The following MBD6 variants were observed in gnomAD, a reference collection of about 807,000 sequenced individuals.
MBD6 encodes methyl-CpG binding domain protein 6.
In MBD6, 22 loss-of-function variants were observed where a neutral mutation model predicts 66.8. That is an observed-to-expected ratio of 0.33 (90% confidence interval 0.24 to 0.47). The LOEUF is 0.47. MBD6 is among the 20% of genes least tolerant of loss of function. The probability of loss-of-function intolerance (pLI) is 1.00; values close to 1 mark genes in which losing one functional copy is unlikely to be tolerated. For synonymous variants in MBD6, 540 were observed against 534.6 expected (o/e 1.01, Z -0.14); for missense variants, 1,322 against 1,286.9 (o/e 1.03, Z -0.42).
chr12:57,528,891 G>C (rs984347060), intron 11 of MBD6, 55 bp from the exon 12 acceptor site: 40 of 1,613,182 alleles, frequency 2.5e-5, no homozygotes, highest in Middle Eastern at 1.6e-4. Context: ...CCAAACTTCT[G>C]AAATTCACCT....
intron 5 of MBD6, 42 bp downstream of exon 5, chr12:57,525,157 A>C (rs1287824774): frequency 1.9e-6 from 3 of 1,582,386 alleles, no homozygotes; most frequent in Non-Finnish European, 2.6e-6. Flanking sequence ...GGAAAACCTA[A>C]GGGCTTGGAA....
rs76917839 is a variant in MBD6 at position 57,527,152 on chromosome 12, C to G, written c.2007C>G (p.Ala669=). Residue 669 remains alanine (A), a synonymous_variant, in exon 7 of 13, where the codon GCC becomes GCG. Coordinates refer to ENST00000355673, the MANE Select transcript of MBD6 (RefSeq NM_052897.4). ...CCCTACTTTTCCCCCCACTTTCAGC[C>G]CCCCCTACCCTCATAGCTTTAAATT... is the stretch of plus-strand genomic sequence containing the variant. The part of the protein sequence containing the change: ...LSPLLFPPLS[A]PPTLIALNSA... 3.5e-5 allele frequency: 51 copies of G among 1,449,518 alleles called. No homozygotes were observed. In the African/African-American group the frequency reaches 4.2e-4, roughly 12 times the overall value. The allele number at this position is 1,449,518 out of a possible 1,614,324, so 89.8% of individuals were successfully genotyped here.
rs1297280076 is a variant in MBD6 at position 57,524,420 on chromosome 12, C to T, written c.113+4C>T. 13 of 1,568,436 alleles carry T rather than the reference C, an allele frequency of 8.3e-6. No homozygotes were observed. The Admixed American group carries it at 1.1e-4, about 14-fold the overall frequency. ...AGGGTGCTGTGCTCTACATCAGGTA[C>T]GGATCTTCACAGGTCCCCAAGCTCT... On this transcript the variant is annotated splice_donor_region_variant and intron_variant, in intron 3 of 12. Coordinates refer to ENST00000355673, the MANE Select transcript of MBD6 (RefSeq NM_052897.4).
intron 4 of MBD6, 48 bp downstream of exon 4, chr12:57,524,870 C>T (rs763665202): frequency 6.2e-7 from 1 of 1,612,332 alleles, no homozygotes; most frequent in Non-Finnish European, 8.5e-7. Context: ...AGCTAAAAGT[C>T]TTAATGCAAA....
Position 57,526,036 on chromosome 12 carries a change from C to A in MBD6, c.1068C>A (p.Ser356=). The change falls in exon 6 of 13, where the codon TCC becomes TCA. Residue 356 remains serine (S), a synonymous_variant. Transcript: ENST00000355673. ...CCCAGGCACCCTCAGCTTCCCACTC[C>A]TCATCACTTCGTCCCTCTCAGCGTC... ...PRAQAPSASH[S]SSLRPSQRRP... 3.7e-6 allele frequency: 6 copies of A among 1,613,432 alleles called. No homozygotes were observed. Among genetic ancestry groups the A allele is most frequent in the Non-Finnish European group, 5.1e-6 (6 of 1,179,792 alleles).
At position 57,527,940 on chromosome 12, in the gene MBD6, C is replaced by A; in HGVS notation, c.2329C>A (p.Leu777Ile). Reference sequence around the variant, plus strand: ...TCTCTCTGGCCAGTTGGGGCTGCAGCTCCTCCCTGGGGGGGGAGCTCCTCC... The same window carrying A: ...TCTCTCTGGCCAGTTGGGGCTGCAGATCCTCCCTGGGGGGGGAGCTCCTCC... Reference protein sequence around the residue: ...PLLSGQLGLQLLPGGGAPPPL... With the variant: ...PLLSGQLGLQILPGGGAPPPL... Residue 777 changes from leucine (L) to isoleucine (I), a missense_variant, in exon 9 of 13, where the codon CTC becomes ATC. Physicochemically the swap from Leu to Ile is conservative, Grantham distance 5 (BLOSUM62 2). Coordinates refer to ENST00000355673, the MANE Select transcript of MBD6 (RefSeq NM_052897.4). 1 of 1,605,594 alleles carries A rather than the reference C, an allele frequency of 6.2e-7. No individual in the cohort carries two copies. Among genetic ancestry groups the A allele is most frequent in the Non-Finnish European group, 8.5e-7 (1 of 1,176,738 alleles).
rs1472871782 is a variant in MBD6, at chr12:57,528,706, G to A, written c.2861G>A (p.Arg954Lys). The A allele has an allele frequency of 1.2e-6, 2 of 1,614,178 alleles. No homozygotes were observed. Among genetic ancestry groups the A allele is most frequent in the Non-Finnish European group, 1.7e-6 (2 of 1,180,026 alleles). ...GVVRKSRRGR[R>K]RKYNPTRNSN... The stretch of plus-strand genomic sequence containing the variant: ...GTCAGAAAGTCTCGTCGTGGCCGTA[G>A]GAGAAAATACAAGTGAGTGTTGGGC... Residue 954 changes from arginine to lysine, a missense_variant, in exon 11 of 13, where the codon AGG (arginine) becomes AAG (lysine). By Grantham distance (26) the Arg-to-Lys change is conservative. Transcript: ENST00000355673.
In MBD6 at chr12:57,522,989, G is replaced by C. The variant is rs1329973952; in HGVS notation, c.-111G>C. 7.0e-6 allele frequency: 1 copy of C among 142,974 alleles called. No homozygotes were observed. Among genetic ancestry groups the C allele is most frequent in the Non-Finnish European group, 1.6e-5 (1 of 64,160 alleles). 8.9% of individuals were successfully genotyped at this position (142,974 alleles called of 1,614,324 possible). On this transcript the variant is annotated 5_prime_UTR_variant, in exon 1 of 13. Coordinates refer to ENST00000355673, the MANE Select transcript of MBD6 (RefSeq NM_052897.4). Reference sequence around the variant, plus strand: ...TCTGGGCCGCGACTGCGCAGGGCGGGGCCGGCCGAACCATGGGCCGCGGTG... The same window carrying C: ...TCTGGGCCGCGACTGCGCAGGGCGGCGCCGGCCGAACCATGGGCCGCGGTG...
At position 57,525,835 on chromosome 12, in the gene MBD6, A is replaced by G. The variant is rs777218929; in HGVS notation, c.867A>G (p.Pro289=). The G allele has an allele frequency of 2.2e-6, 3 of 1,382,988 alleles. No homozygotes were observed. The highest frequency in any genetic ancestry group is 2.9e-6 in the Non-Finnish European group (3 of 1,049,488). The allele number at this position is 1,382,988 out of a possible 1,614,324, so 85.7% of individuals were successfully genotyped here. ...PAHPGPASQP[P]VSSATMHLPL... is the part of the protein sequence containing the mutation. ...ACCCTGGTCCTGCCTCTCAGCCACC[A>G]GTGTCTTCAGCCACTATGCACCTGC... The change falls in exon 6 of 13, where the codon CCA becomes CCG. Residue 289 remains proline (P), a synonymous_variant. Coordinates refer to ENST00000355673, the MANE Select transcript of MBD6 (RefSeq NM_052897.4).
rs141944485 is a variant in MBD6 at position 57,526,745 on chromosome 12, T to C, written c.1600T>C (p.Phe534Leu). 1 of 1,578,204 alleles carries C rather than the reference T, an allele frequency of 6.3e-7. No individual in the cohort carries two copies. Residue 534 changes from phenylalanine (F) to leucine (L), a missense_variant, in exon 7 of 13, where the codon TTC becomes CTC. Physicochemically the swap from Phe to Leu is conservative, Grantham distance 22. Coordinates refer to ENST00000355673, the MANE Select transcript of MBD6 (RefSeq NM_052897.4). ...GGGCCTGGCACTGAGTGGAGCTGGC[T>C]TCCCTGGGATGCTTGGGGCCTTGCC... ...EQGLALSGAG[F>L]PGMLGALPLP...
chr12:57,525,157 A>G, intron 5 of MBD6, 42 bp downstream of exon 5: 1 of 1,582,504 alleles, frequency 6.3e-7, no homozygotes, highest in Non-Finnish European at 8.6e-7. Flanking sequence ...GGAAAACCTA[A>G]GGGCTTGGAA....
chr12:57,526,227 C>T lies in MBD6; in HGVS notation c.1259C>T (p.Thr420Ile), dbSNP rs1311808340. 2.5e-6 allele frequency: 4 copies of T among 1,614,120 alleles called. No individual in the cohort carries two copies. Among genetic ancestry groups the T allele is most frequent in the Non-Finnish European group, 3.4e-6 (4 of 1,180,032 alleles). The change falls in exon 6 of 13, where the codon ACC becomes ATC. Residue 420 changes from threonine to isoleucine, a missense_variant. Physicochemically the swap from Thr to Ile is moderately conservative, Grantham distance 89 (BLOSUM62 -1). Coordinates refer to ENST00000355673, the MANE Select transcript of MBD6 (RefSeq NM_052897.4). Reference sequence around the variant, plus strand: ...GTGCTGTCCCTGCTGGGACTCCCCACCCCTGGCCCTTCCCACTCTGATGGA... The same window carrying T: ...GTGCTGTCCCTGCTGGGACTCCCCATCCCTGGCCCTTCCCACTCTGATGGA... The part of the protein sequence containing the change: ...PSVLSLLGLP[T>I]PGPSHSDGSF...
At position 57,526,303 on chromosome 12, in the gene MBD6, C is replaced by T. The variant is rs755593314; in HGVS notation, c.1335C>T (p.Leu445=). 6.2e-7 allele frequency: 1 copy of T among 1,612,884 alleles called. No individual in the cohort carries two copies. The highest frequency in any genetic ancestry group is 8.5e-7 in the Non-Finnish European group (1 of 1,179,602). ...SDAHLPPPPT[L]SSGSPPQPRH... is the part of the protein sequence containing the mutation. ...CACACCTTCCTCCTCCCCCAACCCT[C>T]TCCTCAGGGAGCCCTCCCCAGCCCA... Residue 445 remains leucine (L), a synonymous_variant, in exon 6 of 13, where the codon CTC becomes CTT. Transcript: ENST00000355673.
At position 57,526,697 on chromosome 12, in the gene MBD6, T is replaced by C; in HGVS notation, c.1552T>C (p.Phe518Leu). ...GCCTCCCCTGGCTGGTGGAGAGGCT[T>C]TCCCTTTCCCCAGCCCTGAGCAGGG... Reference protein sequence around the residue: ...PLPPLAGGEAFPFPSPEQGLA... With the variant: ...PLPPLAGGEALPFPSPEQGLA... The change falls in exon 7 of 13, where the codon TTC (phenylalanine) becomes CTC (leucine). Residue 518 changes from phenylalanine to leucine, a missense_variant. Phe to Leu is a conservative substitution (Grantham distance 22). Transcript: ENST00000355673. 2.0e-6 allele frequency: 3 copies of C among 1,535,278 alleles called. No individual in the cohort carries two copies. Among genetic ancestry groups the C allele is most frequent in the South Asian group, 1.3e-5 (1 of 79,390 alleles).
chr12:57,530,381 G>C, downstream of MBD6: 2 of 315,358 alleles, frequency 6.3e-6, no homozygotes, highest in Non-Finnish European at 1.2e-5. Context: ...AGCTGTGTTG[G>C]GGGACAAGAC....
At position 57,526,604 on chromosome 12, in the gene MBD6, G is replaced by A. The variant is rs1283703891; in HGVS notation, c.1459G>A (p.Val487Ile). 1 of 1,512,202 alleles carries A rather than the reference G, an allele frequency of 6.6e-7. No homozygotes were observed. The highest frequency in any genetic ancestry group is 8.8e-7 in the Non-Finnish European group (1 of 1,131,634). 93.7% of individuals were successfully genotyped at this position (1,512,202 alleles called of 1,614,324 possible). A position where few individuals can be genotyped will look rare whatever the true frequency, so the allele number is the denominator to read the frequency against. The change falls in exon 7 of 13, where the codon GTC becomes ATC. Residue 487 changes from valine (V) to isoleucine (I), a missense_variant. By Grantham distance (29) the Val-to-Ile change is conservative. Coordinates refer to ENST00000355673, the MANE Select transcript of MBD6 (RefSeq NM_052897.4). ...APPAASKAPV[V>I]PSPVLQSPSE... ...ACCAGCTGCCTCCAAAGCCCCAGTA[G>A]TCCCCAGCCCTGTGCTTCAAAGCCC...
Position 57,527,611 on chromosome 12 carries a change from A to G in MBD6, c.2187A>G (p.Ser729=). ...CTCTGGGCAAGGCCCCCTCCAACTC[A>G]GGGAGACCCCCCCAACTCCTTAGCC... The part of the protein sequence containing the change: ...ASSLGKAPSN[S]GRPPQLLSPL... Residue 729 remains serine (S), a synonymous_variant, in exon 8 of 13, where the codon TCA becomes TCG. Transcript: ENST00000355673. 1 of 1,612,872 alleles carries G rather than the reference A, an allele frequency of 6.2e-7. No homozygotes were observed. The highest frequency in any genetic ancestry group is 8.5e-7 in the Non-Finnish European group (1 of 1,179,538).
rs780816004 is a variant in MBD6, at chr12:57,529,127, G to GAT, written c.2938-32_2938-31insTA. The GAT allele has an allele frequency of 5.6e-6, 9 of 1,613,738 alleles. No individual in the cohort carries two copies. In the South Asian group the frequency reaches 8.8e-5, roughly 16 times the overall value. On this transcript the variant is annotated intron_variant, in intron 12 of 12. Coordinates refer to ENST00000355673, the MANE Select transcript of MBD6 (RefSeq NM_052897.4). ...GAAGACTTCCTGATACCTAGCAATT[G>GAT]ACCACTTCTATCAACTTCCCCTCTG... is the stretch of plus-strand genomic sequence containing the variant.
chr12:57,529,275 G>T lies in MBD6; in HGVS notation c.*41G>T. 6.2e-7 allele frequency: 1 copy of T among 1,609,180 alleles called. No individual in the cohort carries two copies. The highest frequency in any genetic ancestry group is 8.5e-7 in the Non-Finnish European group (1 of 1,176,256). On this transcript the variant is annotated 3_prime_UTR_variant, in exon 13 of 13. Transcript: ENST00000355673. ...CTGGATCTGACCCTGATTGGGGAGA[G>T]CTGAGTGCTGAGCCTTGGGAGCCCC...
Sources: gnomAD v4.1 joint callset for allele counts on GRCh38, gnomAD v4.1.1 for gene constraint, MANE v1.5 for transcripts, NCBI Gene and HGNC (gene_info 2026-07-23, HGNC 2026-07-21) for gene names.